The following TTC7B variants were observed in gnomAD, a reference collection of about 807,000 sequenced individuals.
The protein encoded by TTC7B is tetratricopeptide repeat domain 7B, also known as tetratricopeptide repeat protein 7B.
TTC7B carries 28 observed loss-of-function variants against 106.8 expected under a neutral mutation model. The ratio of observed to expected loss-of-function variants is 0.26; its 90% CI spans 0.19 to 0.36. The LOEUF is 0.36. TTC7B is among the 10% of genes least tolerant of loss of function. The pLI is 1.00. For synonymous variants in TTC7B, 405 were observed against 430.6 expected, an observed-to-expected ratio of 0.94 and a Z score of 0.74; for missense variants, 862 against 1,076.4, an observed-to-expected ratio of 0.80 and a Z score of 2.79.
At chr14:90,695,320 T>C (rs1273138012) in intron 6 of TTC7B, among the ~76,000 whole-genome samples, 180 bp downstream of exon 6, 1 of 148,984 alleles carries the variant, frequency 6.7e-6, no homozygotes, top group African/African-American at 2.5e-5. Context: ...CATATATTTA[T>C]AACACATATA....
At chr14:90,680,862 A>T (rs1274195211) in intron 7 of TTC7B, among the ~76,000 whole-genome samples, 1 of 152,218 alleles carries the variant, frequency 6.6e-6, no homozygotes, top group Non-Finnish European at 1.5e-5. Flanking sequence ...CTTTCTCCTA[A>T]ACCTATTAGA....
At chr14:90,764,214 C>A (rs2140019743) in intron 3 of TTC7B, among the ~76,000 whole-genome samples, 1 of 152,128 alleles carries the variant, frequency 6.6e-6, no homozygotes, top group Non-Finnish European at 1.5e-5. Flanking sequence ...GGAGAAAGAA[C>A]AGTATTTTCA....
At chr14:90,550,110 A>G (rs967313450) in intron 19 of TTC7B, among the ~76,000 whole-genome samples, 1 of 152,184 alleles carries the variant, frequency 6.6e-6, no homozygotes, top group Admixed American at 6.5e-5. Context: ...CTAAACAAGC[A>G]CTGGCCTCGA....
At chr14:90,694,665 A>C (rs1405762609) in intron 6 of TTC7B, among the ~76,000 whole-genome samples, 4 of 135,272 alleles carry the variant, frequency 3.0e-5, no homozygotes, top group Non-Finnish European at 6.2e-5. Flanking sequence ...TATTTATTAT[A>C]AATATATGTA....
intron 3 of TTC7B, among the ~76,000 whole-genome samples, chr14:90,760,585 C>G (rs1255640644): frequency 6.6e-6 from 1 of 152,226 alleles, no homozygotes; most frequent in Admixed American, 6.5e-5. Context: ...CACAAATGTC[C>G]AAATGCTCAT....
chr14:90,669,581 C>T (rs545554667), intron 9 of TTC7B, among the ~76,000 whole-genome samples: 7 of 150,032 alleles, frequency 4.7e-5, no homozygotes, highest in Non-Finnish European at 1.0e-4. Flanking sequence ...ATATAGCTGA[C>T]CAGAGTTTAT....
rs528338390 is a variant in TTC7B, at chr14:90,774,946, G to A, written c.445+5792C>T. Among the ~76,000 whole-genome samples the A allele has an allele frequency of 3.9e-5, 6 of 152,230 alleles. No homozygotes were observed. In the South Asian group the frequency reaches 1.2e-3, roughly 32 times the overall value. On this transcript the variant is annotated intron_variant, in intron 3 of 19. Coordinates refer to ENST00000328459, the MANE Select transcript of TTC7B (RefSeq NM_001010854.2). ...TAATCCCAGCTGCTTGGGAGGCTGAGGCAGGAGAATCACTTGAACGCGGGA... is the reference window on the plus strand; with the variant it reads ...TAATCCCAGCTGCTTGGGAGGCTGAAGCAGGAGAATCACTTGAACGCGGGA...
rs562846304 is a variant in TTC7B at position 90,620,019 on chromosome 14, C to T, written c.1752-1974G>A. Among the ~76,000 whole-genome samples the T allele has an allele frequency of 2.0e-5, 3 of 152,154 alleles. No individual in the cohort carries two copies. In the East Asian group the frequency reaches 5.8e-4, roughly 30 times the overall value. On this transcript the variant is annotated intron_variant, in intron 15 of 19. Transcript: ENST00000328459. ...GTGTGAGAGGTGGAATGAAAGTGGT[C>T]CTAACCCATCACTGCCCAAGCTCAG...
At chr14:90,692,554 G>A (rs1010339050) in intron 6 of TTC7B, among the ~76,000 whole-genome samples, 2 of 152,212 alleles carry the variant, frequency 1.3e-5, no homozygotes, top group Middle Eastern at 3.2e-3. Flanking sequence ...ACCAGTGAGA[G>A]TCAACAATAT....
chr14:90,658,813 C>A (rs915078309), intron 9 of TTC7B, among the ~76,000 whole-genome samples: 2 of 152,188 alleles, frequency 1.3e-5, no homozygotes, highest in Admixed American at 1.3e-4. Context: ...TATGAGACAC[C>A]ATCAAAGGCA....
At chr14:90,592,397 T>C (rs1337556446) in intron 18 of TTC7B, among the ~76,000 whole-genome samples, 1 of 152,194 alleles carries the variant, frequency 6.6e-6, no homozygotes, top group Non-Finnish European at 1.5e-5. Context: ...CGCAGTGTAG[T>C]GGGATTCTCG....
chr14:90,623,262 G>A (rs1220947931), intron 15 of TTC7B, among the ~76,000 whole-genome samples: 1 of 152,188 alleles, frequency 6.6e-6, no homozygotes, highest in Non-Finnish European at 1.5e-5. Flanking sequence ...GCAGCTGCCA[G>A]ACACTTTAAA....
chr14:90,799,890 C>A (rs941840456), intron 1 of TTC7B, among the ~76,000 whole-genome samples: 2 of 152,032 alleles, frequency 1.3e-5, no homozygotes, highest in Admixed American at 6.6e-5. Context: ...AGTGCAGTGG[C>A]ACGATCTCGG....
chr14:90,614,163 C>G (rs949774079), intron 16 of TTC7B, among the ~76,000 whole-genome samples: 4 of 152,214 alleles, frequency 2.6e-5, no homozygotes, highest in Admixed American at 6.5e-5. Context: ...TTCTCCAGGT[C>G]TCTTAGGCCT....
intron 19 of TTC7B, among the ~76,000 whole-genome samples, chr14:90,553,223 C>T (rs1187311316): frequency 3.9e-5 from 6 of 152,216 alleles, no homozygotes; most frequent in Admixed American, 2.0e-4. Context: ...CAGCTGATGG[C>T]GGCAGGGGCT....
intron 5 of TTC7B, among the ~76,000 whole-genome samples, chr14:90,702,113 T>C (rs1363549428): frequency 2.0e-5 from 3 of 152,214 alleles, no homozygotes; most frequent in African/African-American, 7.2e-5. Context: ...TTACAGACCC[T>C]GGAGCCGGAC....
At chr14:90,752,337 G>A (rs1890163105) in intron 3 of TTC7B, among the ~76,000 whole-genome samples, 1 of 152,080 alleles carries the variant, frequency 6.6e-6, no homozygotes, top group Non-Finnish European at 1.5e-5. Context: ...GCCTAACATA[G>A]TGAGACCCCA....
rs1032508884 is a variant in TTC7B at position 90,570,824 on chromosome 14, G to A, written c.2310+7282C>T. The stretch of plus-strand genomic sequence containing the variant: ...ATTTAACCCGCACAGCAACACCACC[G>A]GGCACTGTTATTACTCCCATTTCAC... On this transcript the variant is annotated intron_variant, in intron 19 of 19. Coordinates refer to ENST00000328459, the MANE Select transcript of TTC7B (RefSeq NM_001010854.2). This position sits in a 1 kb window ranked among gnomAD's most constrained non-coding sequence, Gnocchi z 4.0. Among the ~76,000 whole-genome samples the A allele has an allele frequency of 7.2e-5, 11 of 152,088 alleles. No individual in the cohort carries two copies. The highest frequency in any genetic ancestry group is 2.7e-4 in the African/African-American group (11 of 41,390).
intron 5 of TTC7B, among the ~76,000 whole-genome samples, chr14:90,716,883 C>T (rs987206379): frequency 1.3e-5 from 2 of 152,014 alleles, no homozygotes; most frequent in African/African-American, 2.4e-5. Context: ...ACAGAAGACG[C>T]AAATTATGCC....
Sources: allele counts gnomAD v4.1 joint callset (sites outside exome capture counted in the v4.1 genomes callset), GRCh38; gene constraint gnomAD v4.1.1; non-coding constraint Gnocchi (gnomAD v3.1); transcripts MANE v1.5; gene names NCBI Gene and HGNC (gene_info 2026-07-23, HGNC 2026-07-21).